ZBTB20: variants seen among roughly 807,000 people sequenced by gnomAD.
ZBTB20 encodes zinc finger and BTB domain-containing protein 20.
Under a neutral mutation model 56.9 loss-of-function variants are expected in ZBTB20, and 9 were observed. The observed-to-expected ratio is 0.16, with a 90% CI of 0.10 to 0.28. The LOEUF (loss-of-function observed/expected upper bound fraction) is 0.28. Among genes scored for constraint, ZBTB20 ranks in the 10% least tolerant of loss-of-function variants. ZBTB20 has a pLI of 1.00. For missense variants in ZBTB20, 655 were observed against 1,003.0 expected, an observed-to-expected ratio of 0.65 and a Z score of 4.69; for synonymous variants, 417 against 420.7, an observed-to-expected ratio of 0.99 and a Z score of 0.11.
intron 4 of ZBTB20, among the ~76,000 whole-genome samples, chr3:114,803,206 G>T (rs2071851054): frequency 6.7e-6 from 1 of 149,424 alleles, no homozygotes. Context: ...AGGGAAACTT[G>T]GTCACAACTA....
intron 5 of ZBTB20, among the ~76,000 whole-genome samples, chr3:114,788,018 G>A (rs547526518): frequency 1.3e-5 from 2 of 152,088 alleles, no homozygotes; most frequent in Non-Finnish European, 2.9e-5. Flanking sequence ...TTTGAATTTT[G>A]TAAGTATGAC....
chr3:115,123,606 G>A (rs1378364840), intron 1 of ZBTB20, among the ~76,000 whole-genome samples: 1 of 152,120 alleles, frequency 6.6e-6, no homozygotes, highest in East Asian at 1.9e-4. Context: ...AATGACTGAG[G>A]GAAGTTCCTC....
At chr3:114,766,734 T>C (rs1054482085) in intron 5 of ZBTB20, among the ~76,000 whole-genome samples, 3 of 152,092 alleles carry the variant, frequency 2.0e-5, no homozygotes, top group Non-Finnish European at 4.4e-5. Flanking sequence ...CAATTATCAA[T>C]TTAATCTGGG....
intron 6 of ZBTB20, among the ~76,000 whole-genome samples, chr3:114,541,957 T>C (rs1047832107): frequency 2.0e-5 from 3 of 152,194 alleles, no homozygotes; most frequent in Non-Finnish European, 4.4e-5. Flanking sequence ...GAGTTTATAG[T>C]AATAGATCAA....
chr3:114,706,789 C>T (rs1269686967), intron 5 of ZBTB20, among the ~76,000 whole-genome samples: 1 of 151,984 alleles, frequency 6.6e-6, no homozygotes, highest in Non-Finnish European at 1.5e-5. Context: ...GCTGAGATAA[C>T]AAGGGTGAGT....
intron 6 of ZBTB20, among the ~76,000 whole-genome samples, chr3:114,669,104 A>G (rs573162825): frequency 1.3e-5 from 2 of 152,222 alleles, no homozygotes; most frequent in African/African-American, 4.8e-5. Flanking sequence ...GAGAACTGGC[A>G]ACATCTGGAG....
chr3:114,411,474 G>A (rs1213937193), intron 7 of ZBTB20, among the ~76,000 whole-genome samples: 1 of 152,166 alleles, frequency 6.6e-6, no homozygotes, highest in East Asian at 1.9e-4. Flanking sequence ...TAAAAAACTG[G>A]CATTCCACCA....
chr3:114,833,337 T>C (rs1396998526), intron 4 of ZBTB20, among the ~76,000 whole-genome samples: 3 of 152,144 alleles, frequency 2.0e-5, no homozygotes, highest in East Asian at 1.9e-4. Flanking sequence ...ACATATTACA[T>C]AGCATCTGTA....
chr3:114,879,976 A>G (rs907774519), intron 4 of ZBTB20, among the ~76,000 whole-genome samples: 1 of 152,192 alleles, frequency 6.6e-6, no homozygotes, highest in Non-Finnish European at 1.5e-5. Context: ...TTTCCTCAAA[A>G]TTAAATATTT....
intron 3 of ZBTB20, among the ~76,000 whole-genome samples, chr3:114,959,505 TAAGTA>T (rs1210001716): frequency 6.6e-6 from 1 of 152,052 alleles, no homozygotes; most frequent in Admixed American, 6.6e-5. Context: ...GGTAAGTAAC[TAAGTA>T]AATAAATAAA....
intron 6 of ZBTB20, among the ~76,000 whole-genome samples, chr3:114,662,723 A>C (rs2060811300): frequency 6.7e-6 from 1 of 149,000 alleles, no homozygotes; most frequent in Non-Finnish European, 1.5e-5. Flanking sequence ...GTGTCTGTTC[A>C]TGTCCTTCGC....
chr3:114,591,394 G>A (rs2055746670), intron 6 of ZBTB20, among the ~76,000 whole-genome samples: 1 of 152,076 alleles, frequency 6.6e-6, no homozygotes, highest in South Asian at 2.1e-4. Context: ...TTTTCCCACA[G>A]AGGAAGTCAT....
intron 6 of ZBTB20, among the ~76,000 whole-genome samples, chr3:114,571,081 A>T (rs1291104707): frequency 3.3e-5 from 5 of 152,134 alleles, no homozygotes; most frequent in Admixed American, 6.5e-5. Flanking sequence ...TAAGGAAATT[A>T]AAAAAAGAAA....
chr3:114,984,074 G>A (rs1210530110), intron 2 of ZBTB20, among the ~76,000 whole-genome samples: 2 of 151,758 alleles, frequency 1.3e-5, no homozygotes, highest in African/African-American at 2.4e-5. Context: ...TCCATTTCCT[G>A]GTTTAATTTG....
In ZBTB20 at chr3:114,604,494, CAAATATATTTAAAATATATGTA is replaced by C. The variant is rs541181364; in HGVS notation, c.-295+89012_-295+89033del. ...CCTGGAAATATATAGCCTGCCTCTT[CAAATATATTTAAAATATATGTA>C]AAATATATTTAAACAAATATATTTA... On this transcript the variant is annotated intron_variant, in intron 6 of 11. Coordinates refer to ENST00000675478, the MANE Select transcript of ZBTB20 (RefSeq NM_001348800.3). 1.8e-4 allele frequency among the ~76,000 whole-genome samples: 28 copies of C among 151,540 alleles called. 2 individuals carry two copies. The South Asian group carries it at 5.9e-3, about 32-fold the overall frequency.
At chr3:114,382,272 T>C (rs1190258601) in intron 8 of ZBTB20, among the ~76,000 whole-genome samples, 1 of 152,248 alleles carries the variant, frequency 6.6e-6, no homozygotes, top group African/African-American at 2.4e-5. Flanking sequence ...GATTGTTTAC[T>C]AACTGGCTCT....
chr3:114,452,057 A>G (rs1284818287), intron 7 of ZBTB20, among the ~76,000 whole-genome samples: 1 of 151,900 alleles, frequency 6.6e-6, no homozygotes, highest in Non-Finnish European at 1.5e-5. Flanking sequence ...TCAAAAACAG[A>G]CCAAAAAGAA....
chr3:115,055,968 A>G (rs568470496), intron 2 of ZBTB20, among the ~76,000 whole-genome samples: 1 of 152,292 alleles, frequency 6.6e-6, no homozygotes, highest in Non-Finnish European at 1.5e-5. Context: ...GTTGAGAGAT[A>G]TGACTACATA....
At chr3:114,394,913 T>C (rs891861784) in intron 7 of ZBTB20, among the ~76,000 whole-genome samples, 1 of 152,196 alleles carries the variant, frequency 6.6e-6, no homozygotes, top group Non-Finnish European at 1.5e-5. Context: ...CCCCTCTCTC[T>C]GGAAATTCAA....
Sources: gnomAD v4.1 joint callset for allele counts (sites outside exome capture counted in the v4.1 genomes callset) on GRCh38, gnomAD v4.1.1 for gene constraint, MANE v1.5 for transcripts, NCBI Gene and HGNC (gene_info 2026-07-23, HGNC 2026-07-21) for gene names.